The following ARHGAP32 variants were observed in gnomAD, a reference collection of about 807,000 sequenced individuals.
The protein encoded by ARHGAP32 is Rho GTPase activating protein 32, also known as rho GTPase-activating protein 32.
ARHGAP32 carries 51 observed loss-of-function variants against 186.5 expected under a neutral mutation model. The observed-to-expected ratio is 0.27, with a 90% CI of 0.22 to 0.35. ARHGAP32 has a LOEUF of 0.35. Ranked by LOEUF, ARHGAP32 falls within the 10% of genes least tolerant of loss-of-function variation. The pLI is 1.00. For synonymous variants in ARHGAP32, 950 were observed against 964.3 expected, an observed-to-expected ratio of 0.99 and a Z score of 0.27; for missense variants, 2,186 against 2,623.5, an observed-to-expected ratio of 0.83 and a Z score of 3.64.
chr11:129,044,676 C>A (rs1197599398), intron 10 of ARHGAP32, among the ~76,000 whole-genome samples: 3 of 113,238 alleles, frequency 2.6e-5, no homozygotes, highest in African/African-American at 1.1e-4. Context: ...CATTCTAATT[C>A]ATTTCAATAT....
intron 1 of ARHGAP32, 52 bp from the exon 2 acceptor site, chr11:129,164,479 G>A: frequency 9.5e-7 from 1 of 1,049,594 alleles, no homozygotes; most frequent in Non-Finnish European, 1.4e-6. Context: ...TTCTATGAAA[G>A]CCTTCCAATG....
chr11:129,124,884 G>C lies in ARHGAP32; in HGVS notation c.236C>G (p.Ala79Gly). 1 of 1,607,836 alleles carries C rather than the reference G, an allele frequency of 6.2e-7. No homozygotes were observed. The highest frequency in any genetic ancestry group is 1.1e-5 in the South Asian group (1 of 89,902). The change falls in exon 3 of 23, where the codon GCA (alanine) becomes GGA (glycine). Residue 79 changes from alanine to glycine, a missense_variant. Coordinates refer to ENST00000682385, the MANE Select transcript of ARHGAP32 (RefSeq NM_001378024.1). ...ATCTCCAGGAATCTCTGGAACATCTGCGCCTCTTGCCTTAAAAAATAAAGA... is the reference window on the plus strand; with the variant it reads ...ATCTCCAGGAATCTCTGGAACATCTCCGCCTCTTGCCTTAAAAAATAAAGA... ...EETLSAMARG[A>G]DVPEIPGDLT... is the part of the protein sequence containing the mutation.
chr11:129,240,333 A>G (rs950698589), intron 1 of ARHGAP32, among the ~76,000 whole-genome samples: 3 of 152,044 alleles, frequency 2.0e-5, no homozygotes, highest in Non-Finnish European at 4.4e-5. Flanking sequence ...AAAAAAAAAA[A>G]TCTGGTCAAA....
At chr11:129,255,361 T>G (rs1029808992) in intron 1 of ARHGAP32, among the ~76,000 whole-genome samples, 7 of 151,872 alleles carry the variant, frequency 4.6e-5, no homozygotes, top group African/African-American at 1.7e-4. Flanking sequence ...GACCCCCAAC[T>G]CACATCCTAC....
At chr11:128,975,857 T>G (rs1480869895) in intron 20 of ARHGAP32, among the ~76,000 whole-genome samples, 1 of 152,160 alleles carries the variant, frequency 6.6e-6, no homozygotes, top group East Asian at 1.9e-4. Flanking sequence ...GAGACTAGCC[T>G]GGCCTAAGTG....
upstream of ARHGAP32, among the ~76,000 whole-genome samples, chr11:129,194,597 AC>A (rs1282964908): frequency 3.3e-5 from 5 of 152,250 alleles, no homozygotes; most frequent in East Asian, 9.7e-4. Flanking sequence ...GAGGATCAGT[AC>A]TAGTACCAGT....
chr11:129,233,139 A>C, intron 1 of ARHGAP32, among the ~76,000 whole-genome samples: 1 of 152,170 alleles, frequency 6.6e-6, no homozygotes, highest in East Asian at 1.9e-4. Flanking sequence ...AATGCTAAAA[A>C]AAATGTAACC....
chr11:129,131,610 C>T (rs547511452), intron 2 of ARHGAP32, among the ~76,000 whole-genome samples: 2 of 151,842 alleles, frequency 1.3e-5, no homozygotes, highest in African/African-American at 4.9e-5. Flanking sequence ...AACTCGCTCA[C>T]TATGACGAAA....
chr11:129,278,571 A>T (rs1287513411), intron 1 of ARHGAP32, among the ~76,000 whole-genome samples: 1 of 152,144 alleles, frequency 6.6e-6, no homozygotes, highest in Non-Finnish European at 1.5e-5. Flanking sequence ...GTGGCGAGGA[A>T]GCGAGGGGGA....
intron 5 of ARHGAP32, among the ~76,000 whole-genome samples, chr11:129,120,768 G>T (rs927086077): frequency 6.6e-6 from 1 of 152,040 alleles, no homozygotes; most frequent in Admixed American, 6.6e-5. Context: ...CAATGAATCT[G>T]TAAATCTAAG....
chr11:129,098,643 T>C (rs1267603582), intron 5 of ARHGAP32, among the ~76,000 whole-genome samples: 1 of 152,046 alleles, frequency 6.6e-6, no homozygotes, highest in Non-Finnish European at 1.5e-5. Flanking sequence ...ATGGTCTTGA[T>C]CTCCTGACCC....
At chr11:129,271,282 C>G (rs1423960858) in intron 1 of ARHGAP32, among the ~76,000 whole-genome samples, 1 of 151,822 alleles carries the variant, frequency 6.6e-6, no homozygotes, top group East Asian at 1.9e-4. Context: ...AGGTTTTTGC[C>G]AGTGAAAAAA....
intron 5 of ARHGAP32, among the ~76,000 whole-genome samples, chr11:129,117,418 C>A (rs1565430593): frequency 6.6e-6 from 1 of 151,894 alleles, no homozygotes; most frequent in Non-Finnish European, 1.5e-5. Context: ...TTAAATGAAA[C>A]TTCAGGCTTT....
rs548796575 is a variant in ARHGAP32, at chr11:128,966,462, A to G, written c.*2445T>C. 133 of 152,324 alleles carry G rather than the reference A, an allele frequency of 8.7e-4. No homozygotes were observed. Among genetic ancestry groups the G allele is most frequent in the African/African-American group, 3.1e-3 (127 of 41,578 alleles). 9.4% of individuals were successfully genotyped at this position (152,324 alleles called of 1,614,324 possible). The stretch of plus-strand genomic sequence containing the variant: ...TGAATCCAAAGTTAAGGCTGTTGCT[A>G]GCATGCATTAAATGAAGCAACTCTA... On this transcript the variant is annotated 3_prime_UTR_variant, in exon 23 of 23. Coordinates refer to ENST00000682385, the MANE Select transcript of ARHGAP32 (RefSeq NM_001378024.1).
At chr11:129,191,670 G>GCA (rs71057930) in intron 1 of ARHGAP32, among the ~76,000 whole-genome samples, 10,326 of 148,066 alleles carry the variant, frequency 0.07, 426 homozygotes, top group South Asian at 0.12. Context: ...AGGCAGGCAC[G>GCA]CACACACACA....
At chr11:128,995,790 G>A (rs916050114) in intron 12 of ARHGAP32, among the ~76,000 whole-genome samples, 4 of 152,244 alleles carry the variant, frequency 2.6e-5, no homozygotes, top group African/African-American at 9.6e-5. Context: ...AGTGAGCTGC[G>A]ATTGGGCCAC....
At chr11:129,234,304 T>C (rs1042277047) in intron 1 of ARHGAP32, among the ~76,000 whole-genome samples, 2 of 152,152 alleles carry the variant, frequency 1.3e-5, no homozygotes, top group South Asian at 2.1e-4. Flanking sequence ...ACAACACCAA[T>C]AATGTATATA....
chr11:129,074,142 A>G (rs1666642402), intron 6 of ARHGAP32, among the ~76,000 whole-genome samples: 1 of 152,226 alleles, frequency 6.6e-6, no homozygotes. Context: ...AGCTACATAA[A>G]GAATGGAAAA....
intron 2 of ARHGAP32, among the ~76,000 whole-genome samples, chr11:129,157,510 C>T (rs1446250421): frequency 1.3e-5 from 2 of 151,554 alleles, no homozygotes; most frequent in African/African-American, 2.4e-5. Flanking sequence ...TGAAATAAAG[C>T]GTGAAGACAA....
Sources: allele counts gnomAD v4.1 joint callset (sites outside exome capture counted in the v4.1 genomes callset), GRCh38; gene constraint gnomAD v4.1.1; transcripts MANE v1.5; gene names NCBI Gene and HGNC (gene_info 2026-07-23, HGNC 2026-07-21).